Variants in PPP1R13B observed in about 807,000 individuals in gnomAD.
The protein encoded by PPP1R13B is apoptosis-stimulating of p53 protein 1.
In PPP1R13B, 44 loss-of-function variants were observed where a neutral mutation model predicts 119.8. The observed-to-expected ratio is 0.37, with a 90% CI of 0.29 to 0.47. The LOEUF is 0.47. Ranked by LOEUF, PPP1R13B falls within the 20% of genes least tolerant of loss-of-function variation. PPP1R13B has a pLI of 0.99. For missense variants in PPP1R13B, 1,227 were observed against 1,413.5 expected, an observed-to-expected ratio of 0.87 and a Z score of 2.12; for synonymous variants, 542 against 561.5, an observed-to-expected ratio of 0.97 and a Z score of 0.49.
chr14:103,833,039 T>TA (rs2086695197), intron 1 of PPP1R13B, among the ~76,000 whole-genome samples: 1 of 151,532 alleles, frequency 6.6e-6, no homozygotes, highest in Non-Finnish European at 1.5e-5. Context: ...AAGATGCAGA[T>TA]AAAAACGTTC....
chr14:103,736,272 C>T (rs1290710694), intron 15 of PPP1R13B, 70 bp from the exon 16 acceptor site: 5 of 1,518,316 alleles, frequency 3.3e-6, no homozygotes, highest in African/African-American at 2.7e-5. Flanking sequence ...GCTCGAGGAA[C>T]AGGACACAGT....
chr14:103,787,650 ATTTT>A (rs751638213), intron 2 of PPP1R13B, among the ~76,000 whole-genome samples: 2 of 113,658 alleles, frequency 1.8e-5, no homozygotes. Context: ...TAATTGCTAC[ATTTT>A]TTTTTTTTTT....
intron 1 of PPP1R13B, among the ~76,000 whole-genome samples, chr14:103,837,373 C>A (rs1256938484): frequency 6.6e-6 from 1 of 152,166 alleles, no homozygotes; most frequent in Non-Finnish European, 1.5e-5. Flanking sequence ...CTCCACACAG[C>A]CAAAATAAAA....
intron 1 of PPP1R13B, among the ~76,000 whole-genome samples, chr14:103,809,585 T>C (rs566006127): frequency 2.6e-5 from 4 of 151,612 alleles, no homozygotes; most frequent in Admixed American, 1.3e-4. Flanking sequence ...CTTTGGGAGG[T>C]TGAGGTGGGC....
At chr14:103,779,226 C>T (rs1032596564) in intron 3 of PPP1R13B, among the ~76,000 whole-genome samples, 3 of 151,920 alleles carry the variant, frequency 2.0e-5, no homozygotes, top group Non-Finnish European at 2.9e-5. Context: ...GGGGTCGAGG[C>T]TGCAGTAAGT....
chr14:103,797,162 C>A, intron 2 of PPP1R13B: 3 of 392,218 alleles, frequency 7.6e-6, no homozygotes, highest in Non-Finnish European at 1.3e-5. Context: ...AATATAATTA[C>A]ATTTATTTTA....
chr14:103,794,050 T>C (rs906985649), intron 2 of PPP1R13B, among the ~76,000 whole-genome samples: 9 of 152,098 alleles, frequency 5.9e-5, no homozygotes, highest in Admixed American at 3.3e-4. Flanking sequence ...AAGAAAACCA[T>C]CTACAAGTCA....
chr14:103,766,356 C>T (rs1595744414), intron 4 of PPP1R13B, among the ~76,000 whole-genome samples: 1 of 152,066 alleles, frequency 6.6e-6, no homozygotes, highest in South Asian at 2.1e-4. Context: ...AAAGCTAAGG[C>T]TCTGGGCAGC....
chr14:103,819,948 T>A (rs903026616), intron 1 of PPP1R13B, among the ~76,000 whole-genome samples: 7 of 152,238 alleles, frequency 4.6e-5, no homozygotes, highest in Non-Finnish European at 1.0e-4. Context: ...AGACCCACAG[T>A]TACTTGTAGT....
intron 1 of PPP1R13B, among the ~76,000 whole-genome samples, chr14:103,838,165 G>T (rs909461064): frequency 1.3e-5 from 2 of 151,702 alleles, no homozygotes; most frequent in African/African-American, 4.8e-5. Context: ...AAAACATTTG[G>T]TGGTTTCTGA....
chr14:103,803,629 C>A (rs770070300), intron 1 of PPP1R13B, among the ~76,000 whole-genome samples: 3 of 151,822 alleles, frequency 2.0e-5, no homozygotes, highest in Non-Finnish European at 4.4e-5. Flanking sequence ...GGCAACAGAG[C>A]GAGACTCCGT....
intron 1 of PPP1R13B, among the ~76,000 whole-genome samples, chr14:103,818,921 A>C (rs779281284): frequency 9.9e-5 from 15 of 152,206 alleles, no homozygotes; most frequent in Admixed American, 1.3e-4. Flanking sequence ...CAGACAAAGA[A>C]GACTGGGAAT....
intron 12 of PPP1R13B, chr14:103,739,271 G>C: frequency 2.0e-6 from 1 of 493,024 alleles, no homozygotes; most frequent in Non-Finnish European, 3.6e-6. Flanking sequence ...GGACACGGCT[G>C]TGTTTGAGCT....
At chr14:103,771,622 A>T (rs1312653362) in intron 4 of PPP1R13B, among the ~76,000 whole-genome samples, 2 of 151,756 alleles carry the variant, frequency 1.3e-5, no homozygotes, top group Non-Finnish European at 2.9e-5. Context: ...TTGGGATTAC[A>T]GGCGCCTGCC....
intron 2 of PPP1R13B, among the ~76,000 whole-genome samples, chr14:103,796,576 T>G (rs2085762592): frequency 6.6e-6 from 1 of 152,200 alleles, no homozygotes; most frequent in Non-Finnish European, 1.5e-5. Context: ...CTGGTGGTTC[T>G]TGAAAAGGTT....
rs763535466 is a variant in PPP1R13B, at chr14:103,784,799, T to C, written c.273A>G (p.Glu91=). The change falls in exon 3 of 17, where the codon GAA becomes GAG. Residue 91 remains glutamate, a synonymous_variant. Transcript: ENST00000202556. ...RHEDSPTENS[E]QGGRQTQEQR... The stretch of plus-strand genomic sequence containing the variant: ...AGGAAGAAAGCAGTTATCTACCTTG[T>C]TCACTGTTCTCAGTTGGGGAGTCCT... The C allele has an allele frequency of 1.0e-5, 16 of 1,595,638 alleles. No individual in the cohort carries two copies. Among genetic ancestry groups the C allele is most frequent in the Non-Finnish European group, 1.1e-5 (13 of 1,166,116 alleles).
intron 1 of PPP1R13B, among the ~76,000 whole-genome samples, chr14:103,841,296 A>T (rs1377629128): frequency 1.7e-4 from 26 of 151,886 alleles, no homozygotes; most frequent in Admixed American, 1.2e-3. Context: ...AAAAAAAAAA[A>T]TTTTTTTTAG....
At chr14:103,785,374 G>A (rs1342838704) in intron 2 of PPP1R13B, among the ~76,000 whole-genome samples, 4 of 151,914 alleles carry the variant, frequency 2.6e-5, no homozygotes, top group Non-Finnish European at 5.9e-5. Flanking sequence ...ATCCACCACC[G>A]TGCCCAGCTA....
Position 103,734,739 on chromosome 14 carries a change from G to A in PPP1R13B, c.*415C>T, listed in dbSNP as rs2084047289. 2 of 462,058 alleles carry A rather than the reference G, an allele frequency of 4.3e-6. No homozygotes were observed. Among genetic ancestry groups the A allele is most frequent in the Non-Finnish European group, 8.7e-6 (2 of 230,604 alleles). The allele number at this position is 462,058 out of a possible 1,614,324, so 28.6% of individuals were successfully genotyped here. A position where few individuals can be genotyped will look rare whatever the true frequency, so the allele number is the denominator to read the frequency against. On this transcript the variant is annotated 3_prime_UTR_variant, in exon 17 of 17. Coordinates refer to ENST00000202556, the MANE Select transcript of PPP1R13B (RefSeq NM_015316.3). ...TGAGTGTCCGATTCGGTGACGGGGG[G>A]CAGGGCGGTCGCAGGGGAGCAGGCC... is the stretch of plus-strand genomic sequence containing the variant.
Sources: gnomAD v4.1 joint callset for allele counts (sites outside exome capture counted in the v4.1 genomes callset) on GRCh38, gnomAD v4.1.1 for gene constraint, MANE v1.5 for transcripts, NCBI Gene and HGNC (gene_info 2026-07-23, HGNC 2026-07-21) for gene names.